EML1: variants seen among roughly 807,000 people sequenced by gnomAD.
EML1 encodes the protein EMAP like 1, also known as echinoderm microtubule-associated protein-like 1.
A neutral mutation model predicts 110.4 loss-of-function variants in EML1; 27 were observed. That is an observed-to-expected ratio of 0.24 (90% CI 0.18 to 0.34). EML1 has a LOEUF of 0.34. Ranked by LOEUF, EML1 falls within the 10% of genes least tolerant of loss-of-function variation. EML1 has a pLI of 1.00. For missense variants in EML1, 741 were observed against 1,030.9 expected (o/e 0.72, Z 3.85); for synonymous variants, 344 against 385.8 (o/e 0.89, Z 1.27).
Position 99,840,972 on chromosome 14 carries a change from T to G in EML1, c.68-9881T>G, listed in dbSNP as rs1476812864. ...CAGAGCTACAAGGTCTTCTTTTTGCTTCTGAAACTGCGGGTGATGTAGGGG... is the reference window on the plus strand; with the variant it reads ...CAGAGCTACAAGGTCTTCTTTTTGCGTCTGAAACTGCGGGTGATGTAGGGG... On this transcript the variant is annotated intron_variant, in intron 1 of 21. Transcript: ENST00000262233. Among the ~76,000 whole-genome samples the G allele has an allele frequency of 1.2e-4, 19 of 152,242 alleles. 1 individual carries two copies. Among genetic ancestry groups the G allele is most frequent in the Admixed American group, 1.2e-3 (19 of 15,284 alleles).
intron 1 of EML1, among the ~76,000 whole-genome samples, chr14:99,846,353 G>A (rs953180840): frequency 2.0e-5 from 3 of 146,810 alleles, no homozygotes; most frequent in Non-Finnish European, 4.5e-5. Flanking sequence ...CGCAATCTCG[G>A]CTTACTGCAA....
chr14:99,775,793 T>A (rs531570132), intron 1 of EML1, among the ~76,000 whole-genome samples: 1 of 152,240 alleles, frequency 6.6e-6, no homozygotes. Flanking sequence ...ATATAACTTA[T>A]TAGCCTCTCC....
intron 2 of EML1, among the ~76,000 whole-genome samples, chr14:99,859,610 G>A (rs116984625): frequency 5.3e-5 from 8 of 152,132 alleles, no homozygotes; most frequent in East Asian, 1.9e-4. Flanking sequence ...CTGGCGCCCC[G>A]GCCCCTGAAT....
In EML1 at chr14:99,914,230, G is replaced by C; in HGVS notation, c.1546G>C (p.Val516Leu). 1 of 1,614,056 alleles carries C rather than the reference G, an allele frequency of 6.2e-7. No homozygotes were observed. Among genetic ancestry groups the C allele is most frequent in the Non-Finnish European group, 8.5e-7 (1 of 1,179,934 alleles). The change falls in exon 14 of 22, where the codon GTG becomes CTG. Residue 516 changes from valine to leucine, a missense_variant. Physicochemically the swap from Val to Leu is conservative, Grantham distance 32 (BLOSUM62 1). Around this residue, in one of 4 missense-constraint regions of EML1, gnomAD observed 388 missense variants for 605.6 expected, o/e 0.64. Coordinates refer to ENST00000262233, the MANE Select transcript of EML1 (RefSeq NM_004434.3). ...GACAGTGGCCGAGGGGAAAGGCGAT[G>C]TGATCTTGATTGGCACAACTCGAAA... Reference protein sequence around the residue: ...IRTVAEGKGDVILIGTTRNFV... With the variant: ...IRTVAEGKGDLILIGTTRNFV...
chr14:99,831,764 A>G (rs551930217), intron 1 of EML1, among the ~76,000 whole-genome samples: 23 of 152,058 alleles, frequency 1.5e-4, no homozygotes, highest in Non-Finnish European at 2.9e-4. Context: ...AGGATTTATG[A>G]TATCTTCCAG....
chr14:99,811,520 A>G lies in EML1; in HGVS notation c.67+17977A>G, dbSNP rs143693418. On this transcript the variant is annotated intron_variant, in intron 1 of 21. Transcript: ENST00000262233. Reference sequence around the variant, plus strand: ...AAAGGAAAATGTTACTAAGAAAATCAAGCCGAGTTGGGTGGCTCATGCCTG... The same window carrying G: ...AAAGGAAAATGTTACTAAGAAAATCGAGCCGAGTTGGGTGGCTCATGCCTG... 8.6e-3 allele frequency among the ~76,000 whole-genome samples: 1,311 copies of G among 151,656 alleles called. 25 individuals carry two copies. Among genetic ancestry groups the G allele is most frequent in the Middle Eastern group, 0.024 (7 of 288 alleles).
chr14:99,938,034 G>A, intron 20 of EML1, 122 bp downstream of exon 20: 2 of 999,038 alleles, frequency 2.0e-6, no homozygotes, highest in African/African-American at 1.6e-5. Flanking sequence ...GCTACGGGAG[G>A]CCCATGAGAC....
At chr14:99,838,626 G>A (rs1421606077) in intron 1 of EML1, among the ~76,000 whole-genome samples, 2 of 149,904 alleles carry the variant, frequency 1.3e-5, no homozygotes, top group African/African-American at 5.0e-5. Flanking sequence ...TTAAAAAGCT[G>A]TAGTTTTTTT....
intron 12 of EML1, 36 bp from the exon 13 acceptor site, chr14:99,911,386 A>G: frequency 6.5e-7 from 1 of 1,549,242 alleles, no homozygotes; most frequent in Non-Finnish European, 8.6e-7. Context: ...CAACCTTTTG[A>G]CAATGTGCTA....
intron 3 of EML1, among the ~76,000 whole-genome samples, chr14:99,876,344 C>A (rs2059291339): frequency 6.6e-6 from 1 of 152,208 alleles, no homozygotes; most frequent in Admixed American, 6.5e-5. Context: ...GGTCCCCGTG[C>A]ACCCTTCACT....
chr14:99,850,296 A>G (rs1226515981), intron 1 of EML1: 1 of 1,288,958 alleles, frequency 7.8e-7, no homozygotes, highest in South Asian at 1.2e-5. Context: ...GGAGAGGTTT[A>G]TAGACCCTGA....
chr14:99,763,132 G>A (rs1054170974), intron 1 of EML1, among the ~76,000 whole-genome samples: 6 of 152,100 alleles, frequency 3.9e-5, no homozygotes, highest in African/African-American at 2.4e-5. Context: ...TTTGCCTGCC[G>A]CCATCTATGT....
rs140814258 is a variant in EML1 at position 99,914,395 on chromosome 14, C to T, written c.1620+91C>T. ...CATTACAATCAGGTGCTTTATACTA[C>T]GATAACCTTCCTCCACCCCAGAGTG... On this transcript the variant is annotated intron_variant, in intron 14 of 21. Coordinates refer to ENST00000262233, the MANE Select transcript of EML1 (RefSeq NM_004434.3). 4.6e-5 allele frequency: 71 copies of T among 1,551,772 alleles called. No homozygotes were observed. In the African/African-American group the frequency reaches 6.4e-4, roughly 14 times the overall value.
At chr14:99,764,377 C>T (rs1355831913) in intron 1 of EML1, among the ~76,000 whole-genome samples, 1 of 152,236 alleles carries the variant, frequency 6.6e-6, no homozygotes, top group East Asian at 1.9e-4. Context: ...CCAGGTGGGG[C>T]TGGAATTCAG....
At chr14:99,885,837 A>C (rs571085854) in intron 4 of EML1, 1 of 453,984 alleles carries the variant, frequency 2.2e-6, no homozygotes, top group African/African-American at 2.0e-5. Context: ...CGTGCCAATA[A>C]CCTGTTCCTC....
rs905936535 is a variant in EML1, at chr14:99,860,777, A to G, written c.251-4737A>G. On this transcript the variant is annotated intron_variant, in intron 2 of 21. Transcript: ENST00000262233. The stretch of plus-strand genomic sequence containing the variant: ...TCTATCCAACTTCTCAGTCATTCCA[A>G]GAGTAGTCAGTGTGTGTCCCCCTCC... Among the ~76,000 whole-genome samples, 12 of 152,106 alleles carry G rather than the reference A, an allele frequency of 7.9e-5. No homozygotes were observed. In the East Asian group the frequency reaches 2.1e-3, roughly 27 times the overall value.
At chr14:99,850,443 C>A in intron 1 of EML1, 2 of 869,872 alleles carry the variant, frequency 2.3e-6, no homozygotes, top group Non-Finnish European at 3.2e-6. Flanking sequence ...GTATGACCTA[C>A]CTGTCAGTTA....
At chr14:99,780,138 G>T (rs189731862) in intron 1 of EML1, among the ~76,000 whole-genome samples, 14 of 152,192 alleles carry the variant, frequency 9.2e-5, no homozygotes, top group African/African-American at 3.4e-4. Context: ...TTTTTATAAG[G>T]TCACTAATCC....
At chr14:99,771,319 A>T (rs1200914613), upstream of EML1, among the ~76,000 whole-genome samples, 1 of 152,200 alleles carries the variant, frequency 6.6e-6, no homozygotes, top group Non-Finnish European at 1.5e-5. Context: ...CGTTTACTAT[A>T]AATGGGATTA....
Sources: gnomAD v4.1 joint callset for allele counts (sites outside exome capture counted in the v4.1 genomes callset) on GRCh38, gnomAD v4.1.1 for gene constraint, gnomAD v4.1.1 regional missense constraint, MANE v1.5 for transcripts, NCBI Gene and HGNC (gene_info 2026-07-23, HGNC 2026-07-21) for gene names.